Variants in UBAP2 observed in about 807,000 individuals in gnomAD.
UBAP2 encodes ubiquitin associated protein 2.
A neutral mutation model predicts 139.6 loss-of-function variants in UBAP2; 75 were observed. That is an observed-to-expected ratio of 0.54 (90% CI 0.45 to 0.65). The LOEUF (loss-of-function observed/expected upper bound fraction) is 0.65, where lower values mean the gene tolerates loss of function less well. Among genes scored for constraint, UBAP2 ranks in the 30% least tolerant of loss-of-function variants. The pLI, the probability that UBAP2 is intolerant of heterozygous loss-of-function variation, is 0.00. For synonymous variants in UBAP2, 526 were observed against 526.2 expected, an observed-to-expected ratio of 1.00 and a Z score of 0.01; for missense variants, 1,368 against 1,369.6, an observed-to-expected ratio of 1.00 and a Z score of 0.02.
intron 1 of UBAP2, 46 bp from the exon 2 acceptor site, chr9:34,017,235 T>C: frequency 1.2e-6 from 1 of 865,384 alleles, no homozygotes; most frequent in Admixed American, 3.1e-5. Flanking sequence ...TAGTAAAAGA[T>C]AAGCATGTAC....
At chr9:33,994,667 C>CA (rs1821998743) in intron 4 of UBAP2, 1 of 145,696 alleles carries the variant, frequency 6.9e-6, no homozygotes. Flanking sequence ...TATGGTTTTC[C>CA]CAAAAAAAAA....
chr9:33,927,686 G>T, intron 20 of UBAP2, 111 bp downstream of exon 20: 2 of 1,128,394 alleles, frequency 1.8e-6, no homozygotes, highest in South Asian at 1.6e-5. Context: ...AACACGCAGC[G>T]CACTCGGCGG....
intron 12 of UBAP2, among the ~76,000 whole-genome samples, 174 bp downstream of exon 12, chr9:33,953,111 C>G (rs1826243535): frequency 6.6e-6 from 1 of 152,224 alleles, no homozygotes; most frequent in Non-Finnish European, 1.5e-5. Context: ...TTCAAGTAAT[C>G]CTCATGCCCC....
At chr9:34,009,462 T>C (rs1221158367) in intron 2 of UBAP2, among the ~76,000 whole-genome samples, 1 of 152,096 alleles carries the variant, frequency 6.6e-6, no homozygotes, top group Non-Finnish European at 1.5e-5. Flanking sequence ...GTCTCGCTAC[T>C]TGGCCCAGGA....
intron 7 of UBAP2, 62 bp downstream of exon 7, chr9:33,973,121 G>A: frequency 8.2e-6 from 12 of 1,464,332 alleles, no homozygotes; most frequent in Non-Finnish European, 1.1e-5. Flanking sequence ...GGTATTAGAA[G>A]CAACTGCAGA....
At chr9:34,004,404 A>ACCTCT (rs1822991089) in intron 2 of UBAP2, among the ~76,000 whole-genome samples, 5 of 152,090 alleles carry the variant, frequency 3.3e-5, no homozygotes, top group African/African-American at 1.2e-4. Context: ...GGATCACCTT[A>ACCTCT]GCCCGAGGAG....
In UBAP2 at chr9:33,933,153, TC is replaced by T. The variant is rs1444315477; in HGVS notation, c.2108+336del. Among the ~76,000 whole-genome samples the T allele has an allele frequency of 5.9e-5, 9 of 152,112 alleles. 1 individual carries two copies. The highest frequency in any genetic ancestry group is 3.9e-4 in the Admixed American group (6 of 15,272). On this transcript the variant is annotated intron_variant, in intron 18 of 28. Coordinates refer to ENST00000379238, the MANE Select transcript of UBAP2 (RefSeq NM_001370062.2). ...CTGCTCAGAAATCCATCATTCTCAT[TC>T]CACCTCAGTGACATGGGCCCAGCGA...
At chr9:34,003,137 C>T (rs1258812175) in intron 2 of UBAP2, among the ~76,000 whole-genome samples, 1 of 151,912 alleles carries the variant, frequency 6.6e-6, no homozygotes, top group African/African-American at 2.4e-5. Context: ...CTGCAACCTC[C>T]GCCTCTTAGG....
At chr9:34,011,731 C>T in intron 2 of UBAP2, 18 of 822,510 alleles carry the variant, frequency 2.2e-5, no homozygotes, top group Non-Finnish European at 2.6e-5. Context: ...TCAGTGCACC[C>T]TCCCCTGCAA....
chr9:33,967,614 T>C (rs931076747), intron 8 of UBAP2, among the ~76,000 whole-genome samples: 1 of 152,198 alleles, frequency 6.6e-6, no homozygotes, highest in Admixed American at 6.5e-5. Flanking sequence ...TCACACTCCC[T>C]ATTAAAAGGC....
chr9:34,021,350 C>T (rs964061212), intron 1 of UBAP2, among the ~76,000 whole-genome samples: 8 of 152,178 alleles, frequency 5.3e-5, no homozygotes, highest in African/African-American at 1.9e-4. Flanking sequence ...AGCCTCAATA[C>T]ACTGGTTTAA....
intron 9 of UBAP2, among the ~76,000 whole-genome samples, chr9:33,963,163 T>C (rs1053179243): frequency 6.6e-5 from 10 of 151,960 alleles, no homozygotes; most frequent in African/African-American, 1.9e-4. Flanking sequence ...GCGAAACAGA[T>C]AGTTATAAGC....
chr9:34,048,329 G>A (rs928231078), intron 1 of UBAP2, among the ~76,000 whole-genome samples: 6 of 152,182 alleles, frequency 3.9e-5, no homozygotes, highest in African/African-American at 1.4e-4. Context: ...AAAAGAAGTA[G>A]AACTGAACTG....
In UBAP2 at chr9:33,935,534, TGGGATTATG is replaced by T. The variant is rs1309934573; in HGVS notation, c.1969+296_1969+304del. 6 of 366,806 alleles carry T rather than the reference TGGGATTATG, an allele frequency of 1.6e-5. No homozygotes were observed. The Admixed American group carries it at 1.9e-4, about 12-fold the overall frequency. The allele number at this position is 366,806 out of a possible 1,614,324, so 22.7% of individuals were successfully genotyped here. A position where few individuals can be genotyped will look rare whatever the true frequency, so the allele number is the denominator to read the frequency against. ...TGCCTGCCTTGGCCCCCCAAAGCAC[TGGGATTATG>T]GGCATCAGCCACCCCGCCTGGCCCA... is the stretch of plus-strand genomic sequence containing the variant. On this transcript the variant is annotated intron_variant, in intron 17 of 28. Coordinates refer to ENST00000379238, the MANE Select transcript of UBAP2 (RefSeq NM_001370062.2).
At chr9:34,028,355 C>A (rs13298777) in intron 1 of UBAP2, among the ~76,000 whole-genome samples, 19,220 of 113,632 alleles carry the variant, frequency 0.17, 1,555 homozygotes, top group African/African-American at 0.25. Context: ...CAGCTGTAAA[C>A]CCTGTCTTAT....
intron 1 of UBAP2, among the ~76,000 whole-genome samples, chr9:34,031,717 T>C (rs569222320): frequency 6.7e-6 from 1 of 150,314 alleles, no homozygotes; most frequent in African/African-American, 2.4e-5. Context: ...TGTATGAGGC[T>C]GAGGCTTCAC....
At chr9:33,933,177 C>T (rs563737965) in intron 18 of UBAP2, among the ~76,000 whole-genome samples, 8 of 152,268 alleles carry the variant, frequency 5.3e-5, no homozygotes, top group South Asian at 2.1e-4. Flanking sequence ...ATGGGCCCAG[C>T]GATGCCCAGA....
rs562045543 is a variant in UBAP2, at chr9:33,932,056, G to A, written c.2175+506C>T. 1.1e-4 allele frequency among the ~76,000 whole-genome samples: 17 copies of A among 151,984 alleles called. No homozygotes were observed. The East Asian group carries it at 2.9e-3, about 26-fold the overall frequency. ...CTGAAAGCCATGCTCACGGCTCCACGACCCACTGAGCCACACCTCAATAAC... is the reference window on the plus strand; with the variant it reads ...CTGAAAGCCATGCTCACGGCTCCACAACCCACTGAGCCACACCTCAATAAC... On this transcript the variant is annotated intron_variant, in intron 19 of 28. Transcript: ENST00000379238.
intron 6 of UBAP2, among the ~76,000 whole-genome samples, chr9:33,982,735 TTTTA>T (rs919084818): frequency 3.3e-5 from 5 of 152,302 alleles, no homozygotes; most frequent in African/African-American, 1.2e-4. Context: ...GTCTGTTAAC[TTTTA>T]TTTATTTGGG....
Sources: allele counts gnomAD v4.1 joint callset (sites outside exome capture counted in the v4.1 genomes callset), GRCh38; gene constraint gnomAD v4.1.1; transcripts MANE v1.5; gene names NCBI Gene and HGNC (gene_info 2026-07-23, HGNC 2026-07-21).